The following ZNF704 variants were observed in gnomAD, a reference collection of about 807,000 sequenced individuals.
ZNF704 encodes zinc finger protein 704.
In ZNF704, 10 loss-of-function variants were observed where a neutral mutation model predicts 44.7. The observed-to-expected ratio is 0.22, with a 90% CI of 0.14 to 0.38. The LOEUF is 0.38. ZNF704 is among the 10% of genes least tolerant of loss of function. ZNF704 has a pLI of 1.00. For synonymous variants in ZNF704, 211 were observed against 207.6 expected (o/e 1.02, Z -0.14); for missense variants, 390 against 545.5 (o/e 0.71, Z 2.84).
At chr8:80,823,206 C>T (rs1424242299) in intron 1 of ZNF704, among the ~76,000 whole-genome samples, 1 of 152,204 alleles carries the variant, frequency 6.6e-6, no homozygotes, top group Non-Finnish European at 1.5e-5. Flanking sequence ...CCTGGAAAAT[C>T]AGGACACTCT....
At chr8:80,737,659 A>G (rs1474163658) in intron 2 of ZNF704, among the ~76,000 whole-genome samples, 2 of 152,338 alleles carry the variant, frequency 1.3e-5, no homozygotes, top group East Asian at 1.9e-4. Context: ...ATTTGTGAAC[A>G]TATGTTTTTA....
In ZNF704 at chr8:80,781,712, GCCA is replaced by G. The variant is rs552041167; in HGVS notation, c.221+39659_221+39661del. On this transcript the variant is annotated intron_variant, in intron 2 of 8. Coordinates refer to ENST00000327835, the MANE Select transcript of ZNF704 (RefSeq NM_001033723.3). ...CTTCTAAAACAGCAGCCCATAATGTGCCACCACATTTACAGAAGGGTGTCACTC... is the reference window on the plus strand; with the variant it reads ...CTTCTAAAACAGCAGCCCATAATGTGCCACATTTACAGAAGGGTGTCACTC... Among the ~76,000 whole-genome samples the G allele has an allele frequency of 1.3e-4, 20 of 152,292 alleles. No individual in the cohort carries two copies. The East Asian group carries it at 3.3e-3, about 25-fold the overall frequency.
intron 1 of ZNF704, among the ~76,000 whole-genome samples, chr8:80,855,344 C>T (rs1296649080): frequency 2.2e-5 from 3 of 136,940 alleles, no homozygotes; most frequent in Non-Finnish European, 5.0e-5. Context: ...CGGTTCTTGT[C>T]TAAAAAATCT....
intron 2 of ZNF704, among the ~76,000 whole-genome samples, chr8:80,767,422 T>C (rs1339098217): frequency 6.6e-6 from 1 of 151,878 alleles, no homozygotes; most frequent in East Asian, 1.9e-4. Flanking sequence ...TAGTTTAACC[T>C]CTTCACTTCT....
At chr8:80,862,298 T>C (rs1478580318) in intron 1 of ZNF704, among the ~76,000 whole-genome samples, 1 of 152,106 alleles carries the variant, frequency 6.6e-6, no homozygotes, top group Non-Finnish European at 1.5e-5. Flanking sequence ...ATGAAAACTA[T>C]ATCATTTCTA....
chr8:80,664,861 G>A lies in ZNF704; in HGVS notation c.881C>T (p.Ser294Leu). 1 of 1,614,226 alleles carries A rather than the reference G, an allele frequency of 6.2e-7. No homozygotes were observed. The highest frequency in any genetic ancestry group is 8.5e-7 in the Non-Finnish European group (1 of 1,180,048). Residue 294 changes from serine to leucine, a missense_variant, in exon 6 of 9, where the codon TCA (serine) becomes TTA (leucine). Physicochemically the swap from Ser to Leu is moderately radical, Grantham distance 145. Coordinates refer to ENST00000327835, the MANE Select transcript of ZNF704 (RefSeq NM_001033723.3). ...CACGAGGTAGAGGGTGGTGGGAGCTGAGCGGCTCAACGGCGTCATCAACTT... is the reference window on the plus strand; with the variant it reads ...CACGAGGTAGAGGGTGGTGGGAGCTAAGCGGCTCAACGGCGTCATCAACTT... ...ETKLMTPLSRSAPTTLYLVHT... is the reference protein window; with the variant it reads ...ETKLMTPLSRLAPTTLYLVHT...
intron 2 of ZNF704, among the ~76,000 whole-genome samples, chr8:80,801,994 T>C (rs182639207): frequency 4.0e-4 from 61 of 151,856 alleles, no homozygotes; most frequent in African/African-American, 1.4e-3. Flanking sequence ...AACAGGGATA[T>C]CAACACTGAC....
At chr8:80,699,075 C>G (rs1818770533) in intron 2 of ZNF704, among the ~76,000 whole-genome samples, 1 of 152,236 alleles carries the variant, frequency 6.6e-6, no homozygotes, top group African/African-American at 2.4e-5. Context: ...AGTTTCTTAG[C>G]AACTATTGAA....
At chr8:80,686,439 T>C (rs1009967310) in intron 4 of ZNF704, among the ~76,000 whole-genome samples, 3 of 152,232 alleles carry the variant, frequency 2.0e-5, no homozygotes, top group African/African-American at 7.2e-5. Flanking sequence ...TGGAGTGCAG[T>C]GGCCAGATCA....
rs746350646 is a variant in ZNF704 at position 80,659,629 on chromosome 8, T to G, written c.988A>C (p.Ser330Arg). 6.2e-7 allele frequency: 1 copy of G among 1,613,940 alleles called. No individual in the cohort carries two copies. Among genetic ancestry groups the G allele is most frequent in the Non-Finnish European group, 8.5e-7 (1 of 1,179,966 alleles). ...ACCGGAGGAGATTGCCAGGAAATGC[T>G]GAAGCTGCTGCCATTGGGGGTGAAC... Reference protein sequence around the residue: ...AKFTPNGSSFSISWQSPPVTF... With the variant: ...AKFTPNGSSFRISWQSPPVTF... Residue 330 changes from serine (S) to arginine (R), a missense_variant, in exon 7 of 9, where the codon AGC becomes CGC. By Grantham distance (110) the Ser-to-Arg change is moderately radical (BLOSUM62 -1). Around this residue, in one of 3 missense-constraint regions of ZNF704, gnomAD observed 305 missense variants for 435.7 expected, o/e 0.70. Coordinates refer to ENST00000327835, the MANE Select transcript of ZNF704 (RefSeq NM_001033723.3).
chr8:80,703,018 T>C (rs1157351927), intron 2 of ZNF704, among the ~76,000 whole-genome samples: 2 of 151,958 alleles, frequency 1.3e-5, no homozygotes, highest in East Asian at 3.9e-4. Context: ...AAAGGCTTGG[T>C]AACAGCCGCG....
chr8:80,861,120 A>G (rs1336884864), intron 1 of ZNF704, among the ~76,000 whole-genome samples: 2 of 152,074 alleles, frequency 1.3e-5, no homozygotes, highest in African/African-American at 4.8e-5. Flanking sequence ...ATGTAATTCA[A>G]CTCTGTTCAC....
chr8:80,740,060 C>G (rs1296390149), intron 2 of ZNF704, among the ~76,000 whole-genome samples: 1 of 152,202 alleles, frequency 6.6e-6, no homozygotes, highest in Non-Finnish European at 1.5e-5. Context: ...CAGTTTTACT[C>G]TCCTGTCCCA....
At chr8:80,712,965 G>A (rs13279152) in intron 2 of ZNF704, among the ~76,000 whole-genome samples, 18,535 of 151,444 alleles carry the variant, frequency 0.12, 1,274 homozygotes, top group East Asian at 0.22. Flanking sequence ...GCATGACCTC[G>A]GCTCACCGCA....
intron 7 of ZNF704, among the ~76,000 whole-genome samples, chr8:80,644,649 T>C (rs959622767): frequency 6.6e-6 from 1 of 152,138 alleles, no homozygotes; most frequent in Admixed American, 6.5e-5. Context: ...ACTCAGATGC[T>C]TCCTCCATCT....
chr8:80,856,341 T>C (rs1808961505), intron 1 of ZNF704, among the ~76,000 whole-genome samples: 2 of 152,138 alleles, frequency 1.3e-5, no homozygotes, highest in Non-Finnish European at 1.5e-5. Flanking sequence ...TTTTTTTTGT[T>C]TGTTTAAAGG....
At chr8:80,742,005 C>T (rs1313128508) in intron 2 of ZNF704, among the ~76,000 whole-genome samples, 1 of 152,064 alleles carries the variant, frequency 6.6e-6, no homozygotes, top group East Asian at 1.9e-4. Context: ...GTCCTCCATG[C>T]CCACACAGCA....
chr8:80,666,946 C>T (rs1030557780), intron 5 of ZNF704, among the ~76,000 whole-genome samples: 1 of 151,970 alleles, frequency 6.6e-6, no homozygotes, highest in Admixed American at 6.6e-5. Flanking sequence ...GTTTCTTTTG[C>T]TGTGCAGAAG....
chr8:80,714,777 T>C (rs537206816), intron 2 of ZNF704, among the ~76,000 whole-genome samples: 3 of 152,298 alleles, frequency 2.0e-5, no homozygotes, highest in African/African-American at 7.2e-5. Context: ...TTAAGTCACA[T>C]GGCGGCGGTA....
Sources: gnomAD v4.1 joint callset for allele counts (sites outside exome capture counted in the v4.1 genomes callset) on GRCh38, gnomAD v4.1.1 for gene constraint, gnomAD v4.1.1 regional missense constraint, MANE v1.5 for transcripts, NCBI Gene and HGNC (gene_info 2026-07-23, HGNC 2026-07-21) for gene names.